Variants in IL3RA observed in about 807,000 individuals in gnomAD.
IL3RA encodes interleukin-3 receptor subunit alpha.
In IL3RA, 73 loss-of-function variants were observed where a neutral mutation model predicts 52.3. The ratio of observed to expected loss-of-function variants is 1.40; its 90% CI spans 1.16 to 1.70. The LOEUF (loss-of-function observed/expected upper bound fraction) is 1.70, where lower values mean the gene tolerates loss of function less well. Ranked by LOEUF, IL3RA falls within the 40% of genes most tolerant of loss-of-function variation. IL3RA has a pLI of 0.00. For missense variants in IL3RA, 664 were observed against 504.4 expected, an observed-to-expected ratio of 1.32 and a Z score of -3.03; for synonymous variants, 260 against 194.0, an observed-to-expected ratio of 1.34 and a Z score of -2.83.
chrX:1,363,502 G>GTTAGCCAGGA (rs1352187497), intron 8 of IL3RA, among the ~76,000 whole-genome samples: 3 of 150,952 alleles, frequency 2.0e-5, no homozygotes, highest in South Asian at 2.1e-4. Context: ...GGGTTTCACT[G>GTTAGCCAGGA]TGGTCTCGAT....
chrX:1,344,971 G>T (rs1249485836), intron 2 of IL3RA, among the ~76,000 whole-genome samples: 4 of 146,194 alleles, frequency 2.7e-5, no homozygotes, highest in African/African-American at 1.0e-4. Context: ...GACCATCCTG[G>T]CTAACACGGT....
chrX:1,351,909 C>T (rs6603271), intron 4 of IL3RA, among the ~76,000 whole-genome samples, 191 bp from the exon 5 acceptor site: 92,834 of 151,364 alleles, frequency 0.61, 28,856 homozygotes, highest in Non-Finnish European at 0.65. Context: ...GGATCACAGG[C>T]GCGTGCCACC....
At chrX:1,345,765 C>T (rs1308194992) in intron 3 of IL3RA, among the ~76,000 whole-genome samples, 3 of 151,806 alleles carry the variant, frequency 2.0e-5, no homozygotes, top group African/African-American at 7.3e-5. Context: ...GCTGGGATTA[C>T]AGGCGCGAGT....
In IL3RA at chrX:1,342,862, G is replaced by A. The variant is rs139837243; in HGVS notation, c.64+1033G>A. Among the ~76,000 whole-genome samples the A allele has an allele frequency of 8.1e-3, 1,223 of 150,692 alleles. 14 individuals are homozygous for A. The highest frequency in any genetic ancestry group is 0.013 in the Non-Finnish European group (901 of 67,760). ...GCCAAGGCAGGTGGACGATCACAAG[G>A]TCAGGAGTTCGTGACCAGCCTGACT... On this transcript the variant is annotated intron_variant, in intron 2 of 11. Transcript: ENST00000331035.
intron 9 of IL3RA, among the ~76,000 whole-genome samples, chrX:1,377,713 T>C (rs2088875911): frequency 6.7e-6 from 1 of 148,184 alleles, no homozygotes; most frequent in Non-Finnish European, 1.5e-5. Context: ...TTGCCCAGGC[T>C]GGAGGGCAGT....
Position 1,352,497 on chromosome X carries a change from T to C in IL3RA, c.607T>C (p.Ser203Pro), listed in dbSNP as rs2086148830. ...IPCTDKFVVF[S>P]QIEILTPPNM... ...CTGCACAGATAAGTTTGTCGTCTTTTCACAGATTGGTGAGTAGCCCGGGAC... is the reference window on the plus strand; with the variant it reads ...CTGCACAGATAAGTTTGTCGTCTTTCCACAGATTGGTGAGTAGCCCGGGAC... Residue 203 changes from serine (S) to proline (P), a missense_variant, in exon 6 of 12, where the codon TCA becomes CCA. By Grantham distance (74) the Ser-to-Pro change is moderately conservative (BLOSUM62 -1). Transcript: ENST00000331035. 6.2e-7 allele frequency: 1 copy of C among 1,613,400 alleles called. No homozygotes were observed.
chrX:1,341,904 C>CAAGGCAGGTGGACGATCACAAGGTCA, intron 2 of IL3RA, 75 bp downstream of exon 2: 1 of 1,494,992 alleles, frequency 6.7e-7, no homozygotes. Flanking sequence ...GTCAGCGTGC[C>CAAGGCAGGTGGACGATCACAAGGTCA]GTCCTTCAGG....
At position 1,352,409 on chromosome X, in the gene IL3RA, C is replaced by T. The variant is rs1160980614; in HGVS notation, c.519C>T (p.Leu173=). 4 of 1,613,770 alleles carry T rather than the reference C, an allele frequency of 2.5e-6. No homozygotes were observed. The highest frequency in any genetic ancestry group is 1.7e-6 in the Non-Finnish European group (2 of 1,179,868). Reference sequence around the variant, plus strand: ...GTCGTTTCGATGACATCTCTCGACTCTCCAGCGGTTCTCAAAGTTCCCACA... The same window carrying T: ...GTCGTTTCGATGACATCTCTCGACTTTCCAGCGGTTCTCAAAGTTCCCACA... ...IGCRFDDISR[L]SSGSQSSHIL... Residue 173 remains leucine (L), a synonymous_variant, in exon 6 of 12, where the codon CTC becomes CTT. Coordinates refer to ENST00000331035, the MANE Select transcript of IL3RA (RefSeq NM_002183.4).
chrX:1,351,409 A>G (rs2086076986), intron 4 of IL3RA, among the ~76,000 whole-genome samples: 1 of 151,158 alleles, frequency 6.6e-6, no homozygotes, highest in Non-Finnish European at 1.5e-5. Context: ...GCTCACTGCA[A>G]CCTCTGCCTC....
chrX:1,367,820 G>A (rs1244070210), intron 9 of IL3RA, among the ~76,000 whole-genome samples: 11 of 150,144 alleles, frequency 7.3e-5, no homozygotes, highest in Admixed American at 3.3e-4. Context: ...GGGTGCGCGG[G>A]GTGAGCGGGG....
chrX:1,341,905 G>A (rs1399984258), intron 2 of IL3RA, 76 bp downstream of exon 2: 43 of 1,473,158 alleles, frequency 2.9e-5, no homozygotes, highest in Admixed American at 2.2e-4. Context: ...TCAGCGTGCC[G>A]TCCTTCAGGG....
At chrX:1,355,896 G>C (rs754735594) in intron 6 of IL3RA, among the ~76,000 whole-genome samples, 1 of 152,148 alleles carries the variant, frequency 6.6e-6, no homozygotes, top group East Asian at 1.9e-4. Flanking sequence ...CAGGGACAAA[G>C]ATGTGCAGCT....
intron 4 of IL3RA, among the ~76,000 whole-genome samples, chrX:1,349,624 T>C (rs2085989794): frequency 6.6e-6 from 1 of 151,750 alleles, no homozygotes; most frequent in African/African-American, 2.4e-5. Context: ...TTCTTTGTTT[T>C]TTAATTAATT....
At chrX:1,337,531 AAAAATATAAT>A (rs2085357096) in intron 1 of IL3RA, among the ~76,000 whole-genome samples, 1 of 152,136 alleles carries the variant, frequency 6.6e-6, no homozygotes, top group Non-Finnish European at 1.5e-5. Context: ...AGATGAATGG[AAAAATATAAT>A]GTCCATCCAC....
chrX:1,354,130 A>T (rs1421841904), intron 6 of IL3RA, among the ~76,000 whole-genome samples: 2 of 151,366 alleles, frequency 1.3e-5, no homozygotes, highest in Non-Finnish European at 3.0e-5. Context: ...ATCATGGGTC[A>T]TGGGAGCCCC....
intron 2 of IL3RA, among the ~76,000 whole-genome samples, chrX:1,344,929 G>A (rs2085666537): frequency 1.3e-5 from 2 of 150,806 alleles, no homozygotes; most frequent in South Asian, 2.1e-4. Flanking sequence ...TTGGGAGGCT[G>A]AGGCGGACGA....
At chrX:1,337,271 G>A (rs1208186200) in intron 1 of IL3RA, among the ~76,000 whole-genome samples, 1 of 152,200 alleles carries the variant, frequency 6.6e-6, no homozygotes, top group East Asian at 1.9e-4. Context: ...ACCTACACAT[G>A]GCTAGAGTTC....
At chrX:1,338,722 A>T (rs1269655513) in intron 1 of IL3RA, among the ~76,000 whole-genome samples, 1 of 152,202 alleles carries the variant, frequency 6.6e-6, no homozygotes. Context: ...TGGTTGCCAC[A>T]GGCTGGGGAA....
chrX:1,376,616 G>A (rs2088746920), intron 9 of IL3RA, among the ~76,000 whole-genome samples: 1 of 143,828 alleles, frequency 7.0e-6, no homozygotes, highest in Non-Finnish European at 1.5e-5. Context: ...AGACACACAC[G>A]GAGGAACAAC....
Sources: allele counts gnomAD v4.1 joint callset (sites outside exome capture counted in the v4.1 genomes callset), GRCh38; gene constraint gnomAD v4.1.1; transcripts MANE v1.5; gene names NCBI Gene and HGNC (gene_info 2026-07-23, HGNC 2026-07-21).